RBFOX1: variants seen among roughly 807,000 people sequenced by gnomAD.
RBFOX1 encodes the protein RNA binding protein fox-1 homolog 1.
In RBFOX1, 8 loss-of-function variants were observed where a neutral mutation model predicts 57.7. The ratio of observed to expected loss-of-function variants is 0.14; its 90% CI spans 0.08 to 0.25. RBFOX1 has a LOEUF of 0.25. Among genes scored for constraint, RBFOX1 ranks in the 10% least tolerant of loss-of-function variants. The pLI is 1.00. For missense variants in RBFOX1, 611 were observed against 548.5 expected, an observed-to-expected ratio of 1.11 and a Z score of -1.14; for synonymous variants, 326 against 222.4, an observed-to-expected ratio of 1.47 and a Z score of -4.15.
intron 3 of RBFOX1, among the ~76,000 whole-genome samples, chr16:5,723,773 C>G (rs2052026999): frequency 6.6e-6 from 1 of 152,208 alleles, no homozygotes; most frequent in South Asian, 2.1e-4. Context: ...GTAGCCAGCC[C>G]ACAGGCAGCT....
At chr16:5,425,065 T>TTATCTATCTATC (rs71280727) in intron 1 of RBFOX1, among the ~76,000 whole-genome samples, 46 of 68,638 alleles carry the variant, frequency 6.7e-4, no homozygotes, top group East Asian at 1.7e-3. Flanking sequence ...CCTTCCTTTC[T>TTATCTATCTATC]TATCTATCTA....
chr16:7,029,996 G>A (rs1000861965), intron 3 of RBFOX1, among the ~76,000 whole-genome samples: 3 of 152,180 alleles, frequency 2.0e-5, no homozygotes, highest in African/African-American at 7.2e-5. Flanking sequence ...ACACTTTTCG[G>A]TCACGTGTGT....
At chr16:6,984,635 C>T (rs1044892259) in intron 3 of RBFOX1, among the ~76,000 whole-genome samples, 3 of 152,008 alleles carry the variant, frequency 2.0e-5, no homozygotes, top group South Asian at 2.1e-4. Context: ...CACATGCCTT[C>T]TTTACTTAAT....
intron 4 of RBFOX1, among the ~76,000 whole-genome samples, chr16:5,970,589 C>G (rs1196369829): frequency 1.3e-5 from 2 of 152,162 alleles, no homozygotes; most frequent in Non-Finnish European, 2.9e-5. Context: ...AGTAATTTTA[C>G]AGTCTGTAGA....
rs571822442 is a variant in RBFOX1 at position 6,924,873 on chromosome 16, T to G, written c.-15-127184T>G. 3.2e-3 allele frequency among the ~76,000 whole-genome samples: 431 copies of G among 133,580 alleles called. 1 individual carries two copies. The highest frequency in any genetic ancestry group is 5.7e-3 in the Non-Finnish European group (360 of 63,568). The allele number at this position is 133,580 out of a possible 152,430, so 87.6% of individuals were successfully genotyped here. On this transcript the variant is annotated intron_variant, in intron 3 of 15. Coordinates refer to ENST00000550418, the MANE Select transcript of RBFOX1 (RefSeq NM_018723.4). Reference sequence around the variant, plus strand: ...CCACAACAGTCCCTGGTGTGTGATGTTCCCCTTCCTGTGTCCATGTGTTCT... The same window carrying G: ...CCACAACAGTCCCTGGTGTGTGATGGTCCCCTTCCTGTGTCCATGTGTTCT...
chr16:5,742,234 TC>T (rs1567476859), intron 3 of RBFOX1, among the ~76,000 whole-genome samples: 18 of 82,220 alleles, frequency 2.2e-4, no homozygotes, highest in African/African-American at 3.6e-4. Context: ...CTTCCTTCCT[TC>T]CTCCCTTCCT....
intron 2 of RBFOX1, among the ~76,000 whole-genome samples, chr16:5,482,842 G>C (rs2069592435): frequency 6.6e-6 from 1 of 152,114 alleles, no homozygotes; most frequent in Non-Finnish European, 1.5e-5. Flanking sequence ...AAATAAAATG[G>C]GGCATTCATT....
intron 2 of RBFOX1, among the ~76,000 whole-genome samples, chr16:6,415,175 G>A (rs1012456000): frequency 6.7e-6 from 1 of 150,224 alleles, no homozygotes; most frequent in Non-Finnish European, 1.5e-5. Context: ...CCAGGGAGTC[G>A]GAGGTTGCAG....
chr16:6,124,595 C>T (rs1408290313), intron 1 of RBFOX1, among the ~76,000 whole-genome samples: 1 of 152,078 alleles, frequency 6.6e-6, no homozygotes, highest in Non-Finnish European at 1.5e-5. Context: ...CTCCACCTCC[C>T]AGGTTCAAGC....
intron 2 of RBFOX1, among the ~76,000 whole-genome samples, chr16:6,333,096 G>A (rs1383651554): frequency 6.6e-6 from 1 of 152,048 alleles, no homozygotes; most frequent in Non-Finnish European, 1.5e-5. Context: ...CTGGAGTGCG[G>A]TGGCATGATG....
intron 4 of RBFOX1, among the ~76,000 whole-genome samples, chr16:7,141,225 C>A (rs986796801): frequency 7.9e-5 from 12 of 152,128 alleles, no homozygotes; most frequent in African/African-American, 4.8e-5. Flanking sequence ...AGTGTTAGTG[C>A]TGGATCCAGA....
intron 3 of RBFOX1, among the ~76,000 whole-genome samples, chr16:5,666,713 C>T (rs2049856446): frequency 6.6e-6 from 1 of 152,150 alleles, no homozygotes; most frequent in Non-Finnish European, 1.5e-5. Flanking sequence ...TCTTCCTCCC[C>T]ATCTGTTTTT....
chr16:6,876,609 G>C (rs1050776595), intron 3 of RBFOX1, among the ~76,000 whole-genome samples: 2 of 152,028 alleles, frequency 1.3e-5, no homozygotes, highest in African/African-American at 4.8e-5. Context: ...CACCATACTA[G>C]AGTAAAAGAC....
intron 4 of RBFOX1, among the ~76,000 whole-genome samples, chr16:7,200,583 G>A (rs1462559611): frequency 2.6e-5 from 4 of 152,134 alleles, no homozygotes; most frequent in South Asian, 2.1e-4. Flanking sequence ...AAGGAGTTGT[G>A]ACAGAAACTG....
intron 4 of RBFOX1, among the ~76,000 whole-genome samples, chr16:5,914,396 G>A (rs2058665313): frequency 1.3e-5 from 2 of 152,308 alleles, no homozygotes. Flanking sequence ...AGCCAGGGCT[G>A]CAGTCTCATC....
intron 3 of RBFOX1, among the ~76,000 whole-genome samples, chr16:6,936,263 A>G (rs1319506477): frequency 2.0e-5 from 3 of 152,240 alleles, no homozygotes; most frequent in Non-Finnish European, 2.9e-5. Flanking sequence ...AGCCTAAATC[A>G]GAGATGAGTA....
intron 1 of RBFOX1, among the ~76,000 whole-genome samples, chr16:5,274,450 AC>A (rs1376235755): frequency 6.6e-6 from 1 of 152,054 alleles, no homozygotes; most frequent in Non-Finnish European, 1.5e-5. Flanking sequence ...ATTCGCTTGA[AC>A]CCAGGGGGCG....
At chr16:7,107,874 C>G (rs909356475) in intron 4 of RBFOX1, among the ~76,000 whole-genome samples, 14 of 152,036 alleles carry the variant, frequency 9.2e-5, no homozygotes, top group Admixed American at 3.3e-4. Context: ...TGGTCTAAAA[C>G]CTGTGTTTGC....
intron 3 of RBFOX1, among the ~76,000 whole-genome samples, chr16:5,823,176 G>A (rs868634931): frequency 2.0e-5 from 3 of 152,172 alleles, no homozygotes; most frequent in African/African-American, 7.2e-5. Context: ...GGCACATAGA[G>A]GGCAGTCGGA....
Sources: gnomAD v4.1 joint callset for allele counts (sites outside exome capture counted in the v4.1 genomes callset) on GRCh38, gnomAD v4.1.1 for gene constraint, MANE v1.5 for transcripts, NCBI Gene and HGNC (gene_info 2026-07-23, HGNC 2026-07-21) for gene names.